The following RELCH variants were observed in gnomAD, a reference collection of about 807,000 sequenced individuals.
RELCH encodes RAB11 binding and LisH domain, coiled-coil and HEAT repeat containing.
In RELCH, 41 loss-of-function variants were observed where a neutral mutation model predicts 150.3. That is an observed-to-expected ratio of 0.27 (90% CI 0.21 to 0.35). RELCH has a LOEUF of 0.35. RELCH is among the 10% of genes least tolerant of loss of function. RELCH has a pLI of 1.00. For synonymous variants in RELCH, 478 were observed against 531.8 expected, an observed-to-expected ratio of 0.90 and a Z score of 1.39; for missense variants, 1,092 against 1,467.8, an observed-to-expected ratio of 0.74 and a Z score of 4.18.
intron 27 of RELCH, among the ~76,000 whole-genome samples, chr18:62,291,900 A>G (rs1018846863): frequency 6.6e-6 from 1 of 152,176 alleles, no homozygotes; most frequent in African/African-American, 2.4e-5. Context: ...GAAAATTTTT[A>G]ACTATAAAAT....
rs1023242051 is a variant in RELCH, at chr18:62,307,534, T to C, written c.*2000T>C. 6.6e-6 allele frequency: 1 copy of C among 152,146 alleles called. No homozygotes were observed. Among genetic ancestry groups the C allele is most frequent in the African/African-American group, 2.4e-5 (1 of 41,464 alleles). 9.4% of individuals were successfully genotyped at this position (152,146 alleles called of 1,614,324 possible). A position where few individuals can be genotyped will look rare whatever the true frequency, so the allele number is the denominator to read the frequency against. ...GTCTCTTTTCTTAAATATTTTAATA[T>C]CATTAAGATTTCACATTGTGGTTTT... On this transcript the variant is annotated 3_prime_UTR_variant, in exon 29 of 29. Coordinates refer to ENST00000644646, the MANE Select transcript of RELCH (RefSeq NM_001346231.2).
Position 62,282,288 on chromosome 18 carries a change from A to G in RELCH, c.3115-18A>G, listed in dbSNP as rs371344557. On this transcript the variant is annotated intron_variant, in intron 24 of 28. Coordinates refer to ENST00000644646, the MANE Select transcript of RELCH (RefSeq NM_001346231.2). ...TTTCAATATTCTATGAAATGACTGT[A>G]CAATATCCAATTTTAAGTTGCTGGA... is the stretch of plus-strand genomic sequence containing the variant. The G allele has an allele frequency of 2.2e-5, 35 of 1,606,256 alleles. 1 individual carries two copies. Among genetic ancestry groups the G allele is most frequent in the African/African-American group, 1.3e-5 (1 of 74,718 alleles).
chr18:62,188,114 G>T (rs1249714588), intron 1 of RELCH, 83 bp downstream of exon 1: 3 of 1,401,746 alleles, frequency 2.1e-6, no homozygotes, highest in Non-Finnish European at 1.9e-6. Context: ...GTATTTCTGC[G>T]TGGGTCCCGA....
intron 1 of RELCH, among the ~76,000 whole-genome samples, chr18:62,193,971 C>T (rs370109194): frequency 3.3e-5 from 5 of 151,934 alleles, no homozygotes; most frequent in African/African-American, 1.2e-4. Flanking sequence ...TCAGACCAGG[C>T]GTAGTGGCTC....
intron 12 of RELCH, among the ~76,000 whole-genome samples, chr18:62,253,267 T>TTGTGTGTGTGTGTGTGTG (rs68067609): frequency 7.3e-6 from 1 of 136,454 alleles, no homozygotes; most frequent in South Asian, 2.6e-4. Flanking sequence ...AGCAAGAAGA[T>TTGTGTGTGTGTGTGTGTG]TGTGTGTGTG....
intron 15 of RELCH, among the ~76,000 whole-genome samples, chr18:62,260,270 G>C (rs2043193133): frequency 6.8e-6 from 1 of 146,796 alleles, no homozygotes; most frequent in South Asian, 2.1e-4. Flanking sequence ...ATGGCCAAAA[G>C]TTATATGAAG....
intron 23 of RELCH, 143 bp from the exon 24 acceptor site, chr18:62,280,503 G>A: frequency 1.4e-5 from 21 of 1,502,570 alleles, no homozygotes; most frequent in Non-Finnish European, 1.9e-5. Flanking sequence ...ATTCTTCTTG[G>A]TCTGCTTTTT....
chr18:62,187,497 C>T lies in RELCH; in HGVS notation c.-9C>T. The stretch of plus-strand genomic sequence containing the variant: ...GTCAGGGAGGCGCCCACACTCCTGA[C>T]AGGATAAGATGGCGGCGATGGCGCC... On this transcript the variant is annotated 5_prime_UTR_variant, in exon 1 of 29. Transcript: ENST00000644646. 1 of 1,511,564 alleles carries T rather than the reference C, an allele frequency of 6.6e-7. No individual in the cohort carries two copies. Among genetic ancestry groups the T allele is most frequent in the Non-Finnish European group, 8.8e-7 (1 of 1,130,870 alleles). 93.6% of individuals were successfully genotyped at this position (1,511,564 alleles called of 1,614,324 possible). A position where few individuals can be genotyped will look rare whatever the true frequency, so the allele number is the denominator to read the frequency against.
Position 62,227,694 on chromosome 18 carries a change from G to T in RELCH, c.1154+5G>T. 1 of 1,409,230 alleles carries T rather than the reference G, an allele frequency of 7.1e-7. No homozygotes were observed. The allele number at this position is 1,409,230 out of a possible 1,614,324, so 87.3% of individuals were successfully genotyped here. The stretch of plus-strand genomic sequence containing the variant: ...GCAAATCAGAAGACTTAAAAGGTTA[G>T]TACTTGATCATTATTCCTAAAAATC... On this transcript the variant is annotated splice_donor_5th_base_variant and intron_variant, in intron 7 of 28. Transcript: ENST00000644646.
At chr18:62,192,112 A>C (rs1436437268) in intron 1 of RELCH, among the ~76,000 whole-genome samples, 1 of 152,118 alleles carries the variant, frequency 6.6e-6, no homozygotes, top group Non-Finnish European at 1.5e-5. Context: ...ATGGTATTTC[A>C]TTGTGGTTTT....
intron 1 of RELCH, among the ~76,000 whole-genome samples, chr18:62,192,105 G>A (rs1816939735): frequency 6.6e-6 from 1 of 152,144 alleles, no homozygotes; most frequent in Non-Finnish European, 1.5e-5. Flanking sequence ...GCCTAAGATG[G>A]TATTTCATTG....
intron 1 of RELCH, among the ~76,000 whole-genome samples, chr18:62,197,586 T>C (rs966501480): frequency 2.0e-5 from 3 of 152,190 alleles, no homozygotes; most frequent in African/African-American, 7.2e-5. Context: ...GAAATCTATA[T>C]AGGAAAACCT....
intron 5 of RELCH, among the ~76,000 whole-genome samples, chr18:62,223,678 A>G (rs2041023593): frequency 6.6e-6 from 1 of 152,146 alleles, no homozygotes; most frequent in African/African-American, 2.4e-5. Context: ...GAAATTATAC[A>G]TAACATTTTA....
intron 1 of RELCH, among the ~76,000 whole-genome samples, chr18:62,194,947 A>G (rs2038919806): frequency 6.6e-6 from 1 of 152,204 alleles, no homozygotes; most frequent in African/African-American, 2.4e-5. Flanking sequence ...TTAGTGAATT[A>G]TCTCCCTAAA....
chr18:62,223,223 TA>T (rs766362560), intron 5 of RELCH, among the ~76,000 whole-genome samples: 4 of 151,958 alleles, frequency 2.6e-5, no homozygotes, highest in African/African-American at 4.8e-5. Flanking sequence ...GTAAAATTGA[TA>T]AACCTCTAGC....
chr18:62,231,468 A>G (rs1159936459), intron 9 of RELCH, among the ~76,000 whole-genome samples, 199 bp downstream of exon 9: 1 of 152,016 alleles, frequency 6.6e-6, no homozygotes, highest in Non-Finnish European at 1.5e-5. Context: ...TGTTTTTTCT[A>G]TTAACATTTT....
At chr18:62,244,176 G>T (rs2042287880) in intron 10 of RELCH, among the ~76,000 whole-genome samples, 1 of 151,962 alleles carries the variant, frequency 6.6e-6, no homozygotes, top group Admixed American at 6.6e-5. Context: ...TGAATGTGAA[G>T]AAAACAAAAT....
chr18:62,229,087 C>T (rs1407310425), intron 8 of RELCH, among the ~76,000 whole-genome samples: 4 of 151,794 alleles, frequency 2.6e-5, no homozygotes, highest in African/African-American at 9.7e-5. Flanking sequence ...TGTCAGAACT[C>T]GCAGATGACA....
intron 21 of RELCH, among the ~76,000 whole-genome samples, chr18:62,274,927 A>G (rs1007254589): frequency 6.6e-6 from 1 of 152,124 alleles, no homozygotes; most frequent in African/African-American, 2.4e-5. Flanking sequence ...GTTTGTTTCT[A>G]TGTTTTTTGA....
Sources: allele counts gnomAD v4.1 joint callset (sites outside exome capture counted in the v4.1 genomes callset), GRCh38; gene constraint gnomAD v4.1.1; transcripts MANE v1.5; gene names NCBI Gene and HGNC (gene_info 2026-07-23, HGNC 2026-07-21).